Variants in COQ9 observed in about 807,000 individuals in gnomAD.
COQ9 encodes the protein coenzyme Q9.
In COQ9, 35 loss-of-function variants were observed where a neutral mutation model predicts 42.4. The ratio of observed to expected loss-of-function variants is 0.83; its 90% CI spans 0.63 to 1.10. COQ9 has a LOEUF of 1.10. Among genes scored for constraint, COQ9 ranks in the 50% least tolerant of loss-of-function variants. COQ9 has a pLI of 0.00. For missense variants in COQ9, 406 were observed against 414.6 expected (o/e 0.98, Z 0.18); for synonymous variants, 155 against 155.1 (o/e 1.00, Z 0.00).
Position 57,460,732 on chromosome 16 carries a change from CA to C in COQ9, c.*109del. 2.9e-6 allele frequency: 3 copies of C among 1,024,122 alleles called. No individual in the cohort carries two copies. Among genetic ancestry groups the C allele is most frequent in the Non-Finnish European group, 4.5e-6 (3 of 660,582 alleles). 63.4% of individuals were successfully genotyped at this position (1,024,122 alleles called of 1,614,324 possible). The stretch of plus-strand genomic sequence containing the variant: ...ACATAACCTGGTGTTCACGAGAACA[CA>C]CTAAAGGACTCCTGAGTCACTACCA... On this transcript the variant is annotated 3_prime_UTR_variant, in exon 9 of 9. Transcript: ENST00000262507.
rs538493869 is a variant in COQ9 at position 57,447,479 on chromosome 16, G to C, written c.-27G>C. 1.7e-4 allele frequency: 220 copies of C among 1,280,316 alleles called. 5 individuals are homozygous for C. The South Asian group carries it at 5.8e-3, about 34-fold the overall frequency. 79.3% of individuals were successfully genotyped at this position (1,280,316 alleles called of 1,614,324 possible). ...TGGTCCCGTAGCTACCGGTCGCGTC[G>C]CCGTGGGCGACGTGCCCGCTTCCAA... On this transcript the variant is annotated 5_prime_UTR_variant, in exon 1 of 9. Transcript: ENST00000262507.
At chr16:57,452,408 G>A (rs1175775567) in intron 2 of COQ9, among the ~76,000 whole-genome samples, 2 of 152,232 alleles carry the variant, frequency 1.3e-5, no homozygotes, top group Admixed American at 1.3e-4. Context: ...TTGGGAGGCC[G>A]AGACAGGCGG....
Position 57,447,874 on chromosome 16 carries a change from G to T in COQ9, c.73+296G>T, listed in dbSNP as rs190534661. The T allele has an allele frequency of 1.0e-4, 32 of 317,910 alleles. No individual in the cohort carries two copies. In the East Asian group the frequency reaches 1.5e-3, roughly 15 times the overall value. The allele number at this position is 317,910 out of a possible 1,614,324, so 19.7% of individuals were successfully genotyped here. On this transcript the variant is annotated intron_variant, in intron 1 of 8. Transcript: ENST00000262507. ...ACGCAGCCTGAGCCTGTTGGTTACA[G>T]AACTGGCAGTCGCAGACCCATTCTC... is the stretch of plus-strand genomic sequence containing the variant.
rs1757408154 is a variant in COQ9 at position 57,460,978 on chromosome 16, T to G, written c.*354T>G. 6.3e-5 allele frequency: 23 copies of G among 366,158 alleles called. No individual in the cohort carries two copies. The highest frequency in any genetic ancestry group is 4.6e-4 in the South Asian group (22 of 47,606). 22.7% of individuals were successfully genotyped at this position (366,158 alleles called of 1,614,324 possible). A position where few individuals can be genotyped will look rare whatever the true frequency, so the allele number is the denominator to read the frequency against. On this transcript the variant is annotated 3_prime_UTR_variant, in exon 9 of 9. Coordinates refer to ENST00000262507, the MANE Select transcript of COQ9 (RefSeq NM_020312.4). ...CCTTGATCATGTCTTAACCTTCCCTTAACCTTGGGGCTCCCAAGCCAGAGT... is the reference window on the plus strand; with the variant it reads ...CCTTGATCATGTCTTAACCTTCCCTGAACCTTGGGGCTCCCAAGCCAGAGT...
chr16:57,453,913 A>G (rs2030344670), intron 3 of COQ9: 1 of 152,260 alleles, frequency 6.6e-6, no homozygotes, highest in Non-Finnish European at 1.5e-5. Flanking sequence ...GTGCTAGTCC[A>G]AGAGACATGA....
intron 3 of COQ9, 51 bp from the exon 4 acceptor site, chr16:57,456,453 G>A (rs750945401): frequency 3.1e-6 from 5 of 1,605,322 alleles, no homozygotes; most frequent in Non-Finnish European, 4.3e-6. Context: ...GGCAACAAAT[G>A]TACCCTACAC....
chr16:57,449,743 AAACT>A, intron 1 of COQ9, among the ~76,000 whole-genome samples: 1 of 152,346 alleles, frequency 6.6e-6, no homozygotes, highest in Middle Eastern at 3.4e-3. Flanking sequence ...AGACAAGCAA[AAACT>A]AACCTAGAGT....
At chr16:57,453,190 A>G (rs2030327852) in intron 3 of COQ9, 1 of 551,508 alleles carries the variant, frequency 1.8e-6, no homozygotes, top group Non-Finnish European at 3.3e-6. Context: ...TGTGATCAAA[A>G]CTCCCATGTT....
At chr16:57,450,822 G>A in intron 1 of COQ9, 1 of 623,530 alleles carries the variant, frequency 1.6e-6, no homozygotes, top group Non-Finnish European at 2.9e-6. Flanking sequence ...AGGTCAAGAT[G>A]CTAGGTAGAT....
chr16:57,451,963 G>T lies in COQ9; in HGVS notation c.242+755G>T, dbSNP rs543264313. ...TGTGGGCCAGTTGCCCTCCAGAAAG[G>T]TAATACTAATTTACATTTCCATTAG... On this transcript the variant is annotated intron_variant, in intron 2 of 8. Coordinates refer to ENST00000262507, the MANE Select transcript of COQ9 (RefSeq NM_020312.4). 8.5e-5 allele frequency among the ~76,000 whole-genome samples: 13 copies of T among 152,202 alleles called. 1 individual carries two copies. The South Asian group carries it at 2.7e-3, about 32-fold the overall frequency.
chr16:57,454,298 C>T lies in COQ9; in HGVS notation c.378+1362C>T, dbSNP rs571742733. ...TTGTAAGAAGCACCATTTTTAAGTA[C>T]ATCAGTAAAAAAAGAAAACATGTTG... On this transcript the variant is annotated intron_variant, in intron 3 of 8. Coordinates refer to ENST00000262507, the MANE Select transcript of COQ9 (RefSeq NM_020312.4). 6 of 152,264 alleles carry T rather than the reference C, an allele frequency of 3.9e-5. No homozygotes were observed. In the South Asian group the frequency reaches 1.2e-3, roughly 32 times the overall value. 9.4% of individuals were successfully genotyped at this position (152,264 alleles called of 1,614,324 possible).
intron 3 of COQ9, 131 bp downstream of exon 3, chr16:57,453,067 T>G (rs1330441058): frequency 2.0e-5 from 25 of 1,230,506 alleles, no homozygotes; most frequent in Non-Finnish European, 2.7e-5. Flanking sequence ...ATTGACTGGT[T>G]TTTTTCCCCC....
At chr16:57,459,510 A>G (rs2030479610) in intron 6 of COQ9, 55 bp from the exon 7 acceptor site, 5 of 1,598,078 alleles carry the variant, frequency 3.1e-6, no homozygotes, top group South Asian at 1.1e-5. Context: ...GGCCTTGGGT[A>G]GGAACTGCCT....
At chr16:57,458,653 T>C (rs1046401703) in intron 6 of COQ9, among the ~76,000 whole-genome samples, 1 of 152,150 alleles carries the variant, frequency 6.6e-6, no homozygotes, top group Non-Finnish European at 1.5e-5. Context: ...ATCATTTCCC[T>C]CTCTCCTAAG....
rs1366599130 is a variant in COQ9 at position 57,451,204 on chromosome 16, C to A, written c.238C>A (p.Pro80Thr). Residue 80 changes from proline (P) to threonine (T), a missense_variant, in exon 2 of 9, where the codon CCC becomes ACC. Pro to Thr is a conservative substitution (Grantham distance 38, BLOSUM62 -1). Coordinates refer to ENST00000262507, the MANE Select transcript of COQ9 (RefSeq NM_020312.4). ...TGATCCAGAGTCTTCTCATTCACCC[C>A]CCAGGTAGGCACCAATCCACCTATT... ...KPDPESSHSP[P>T]RYTDQGGEEE... The A allele has an allele frequency of 3.1e-6, 5 of 1,614,058 alleles. No individual in the cohort carries two copies. The highest frequency in any genetic ancestry group is 1.3e-5 in the African/African-American group (1 of 74,910).
chr16:57,460,620 G>A lies in COQ9; in HGVS notation c.953G>A (p.Arg318Gln), dbSNP rs778212075. 2.3e-5 allele frequency: 37 copies of A among 1,613,686 alleles called. No homozygotes were observed. The highest frequency in any genetic ancestry group is 6.7e-5 in the East Asian group (3 of 44,890). The part of the protein sequence containing the change: ...LKNLTGLNQR[R>Q] The stretch of plus-strand genomic sequence containing the variant: ...AACTTGACAGGTCTAAACCAGCGTC[G>A]GTGAGAGGAAGGGGTATAAGCTACA... The change falls in exon 9 of 9, where the codon CGG (arginine) becomes CAG (glutamine). Residue 318 changes from arginine (R) to glutamine (Q), a missense_variant. Arg to Gln is a conservative substitution (Grantham distance 43). Transcript: ENST00000262507.
chr16:57,458,140 C>T, intron 5 of COQ9, 106 bp from the exon 6 acceptor site: 1 of 827,880 alleles, frequency 1.2e-6, no homozygotes, highest in South Asian at 1.4e-5. Context: ...CTCAGAGAAC[C>T]AGAGCTTGGC....
At chr16:57,453,895 T>C (rs1567579021) in intron 3 of COQ9, 1 of 152,254 alleles carries the variant, frequency 6.6e-6, no homozygotes. Context: ...TAATGTGCCC[T>C]AGGCACTGTG....
In COQ9 at chr16:57,456,880, G is replaced by A. The variant is rs377070370; in HGVS notation, c.522-51G>A. ...AGGGCTGAGTAAACCGTGGAGCACT[G>A]AGCCCCTGCCTTTCACTCAGAGACA... On this transcript the variant is annotated intron_variant, in intron 4 of 8. Transcript: ENST00000262507. 49 of 1,514,310 alleles carry A rather than the reference G, an allele frequency of 3.2e-5. No individual in the cohort carries two copies. The Middle Eastern group carries it at 9.4e-4, about 29-fold the overall frequency. The allele number at this position is 1,514,310 out of a possible 1,614,324, so 93.8% of individuals were successfully genotyped here.
Sources: allele counts gnomAD v4.1 joint callset (sites outside exome capture counted in the v4.1 genomes callset), GRCh38; gene constraint gnomAD v4.1.1; transcripts MANE v1.5; gene names NCBI Gene and HGNC (gene_info 2026-07-23, HGNC 2026-07-21).